NCALD: variants seen among roughly 807,000 people sequenced by gnomAD.
NCALD encodes the protein neurocalcin-delta.
In NCALD, 10 loss-of-function variants were observed where a neutral mutation model predicts 18.6. That is an observed-to-expected ratio of 0.54 (90% CI 0.33 to 0.91). NCALD has a LOEUF of 0.91. Ranked by LOEUF, NCALD falls within the 40% of genes least tolerant of loss-of-function variation. NCALD has a pLI of 0.03. For synonymous variants in NCALD, 88 were observed against 87.4 expected (o/e 1.01, Z -0.04); for missense variants, 184 against 247.6 (o/e 0.74, Z 1.72).
In NCALD at chr8:102,046,797, C is replaced by CTT. The variant is rs111776091; in HGVS notation, c.-209-26510_-209-26509dup. On this transcript the variant is annotated intron_variant, in intron 1 of 6. Coordinates refer to the NCALD transcript ENST00000311028. The stretch of plus-strand genomic sequence containing the variant: ...CCTGGCTCACAATGAGTTTTTTTTC[C>CTT]TTTTTTTTTTTTTTGAACTTTTATT... Among the ~76,000 whole-genome samples the CTT allele has an allele frequency of 9.1e-3, 1,289 of 142,410 alleles. 11 individuals are homozygous for CTT. Among genetic ancestry groups the CTT allele is most frequent in the South Asian group, 0.015 (67 of 4,452 alleles). The allele number at this position is 142,410 out of a possible 152,430, so 93.4% of individuals were successfully genotyped here.
intron 1 of NCALD, among the ~76,000 whole-genome samples, chr8:102,079,118 G>C (rs934793070): frequency 1.3e-5 from 2 of 152,178 alleles, no homozygotes; most frequent in Non-Finnish European, 2.9e-5. Flanking sequence ...CAGTACCCAT[G>C]AAGGCTGGCT....
intron 2 of NCALD, among the ~76,000 whole-genome samples, chr8:101,697,586 G>C (rs1239123617): frequency 2.0e-5 from 3 of 152,084 alleles, no homozygotes; most frequent in Admixed American, 1.3e-4. Context: ...ACATCAAAAA[G>C]CTTATCCACC....
At chr8:101,696,081 C>T (rs1485118507) in intron 2 of NCALD, among the ~76,000 whole-genome samples, 3 of 152,036 alleles carry the variant, frequency 2.0e-5, no homozygotes, top group Admixed American at 1.3e-4. Context: ...CCTTAGAAAC[C>T]ATGCAAACCC....
chr8:102,057,295 TATAG>T (rs533978089), intron 1 of NCALD, among the ~76,000 whole-genome samples: 57 of 131,764 alleles, frequency 4.3e-4, no homozygotes, highest in African/African-American at 1.2e-3. Context: ...CATATGTACA[TATAG>T]ATAGATAGAT....
intron 1 of NCALD, among the ~76,000 whole-genome samples, chr8:101,730,847 C>G (rs576322659): frequency 8.5e-4 from 129 of 152,272 alleles, no homozygotes; most frequent in South Asian, 1.4e-3. Flanking sequence ...TCTTGTACAT[C>G]TATTGCCACT....
intron 3 of NCALD, among the ~76,000 whole-genome samples, chr8:101,906,998 T>C (rs964285497): frequency 6.6e-6 from 1 of 152,248 alleles, no homozygotes; most frequent in African/African-American, 2.4e-5. Flanking sequence ...CTATTACTGA[T>C]TTTTTCTCTT....
intron 3 of NCALD, among the ~76,000 whole-genome samples, chr8:101,912,197 T>C (rs951431445): frequency 1.3e-5 from 2 of 151,824 alleles, no homozygotes; most frequent in African/African-American, 4.8e-5. Flanking sequence ...ATAAAAAAAC[T>C]AAACAGTATC....
intron 1 of NCALD, among the ~76,000 whole-genome samples, chr8:102,039,110 C>A (rs927517402): frequency 6.6e-6 from 1 of 152,128 alleles, no homozygotes; most frequent in African/African-American, 2.4e-5. Context: ...CAAAGAGGAA[C>A]TTGAGCCTTG....
chr8:101,915,890 A>G (rs185894685), intron 2 of NCALD: 128 of 152,322 alleles, frequency 8.4e-4, no homozygotes, highest in African/African-American at 3.0e-3. Context: ...AATAATGGTA[A>G]ATGCAAATAT....
chr8:101,945,541 T>A (rs1819136430), intron 2 of NCALD, among the ~76,000 whole-genome samples: 1 of 152,168 alleles, frequency 6.6e-6, no homozygotes, highest in Non-Finnish European at 1.5e-5. Context: ...CTCCATCTTA[T>A]GGATGAAGAG....
At chr8:101,872,908 C>G (rs1361309307) in intron 4 of NCALD, among the ~76,000 whole-genome samples, 1 of 152,148 alleles carries the variant, frequency 6.6e-6, no homozygotes, top group African/African-American at 2.4e-5. Context: ...AATCAGTTCT[C>G]ACATCATATG....
At chr8:101,824,091 A>G (rs1470049092) in intron 4 of NCALD, among the ~76,000 whole-genome samples, 3 of 152,230 alleles carry the variant, frequency 2.0e-5, no homozygotes, top group Non-Finnish European at 2.9e-5. Flanking sequence ...TCTGATCTCA[A>G]AGAATAAGGG....
chr8:101,909,076 G>A (rs559028041), intron 3 of NCALD, among the ~76,000 whole-genome samples: 1 of 152,264 alleles, frequency 6.6e-6, no homozygotes, highest in Non-Finnish European at 1.5e-5. Context: ...TTTCAAGGTG[G>A]TCTTTGAAAT....
chr8:102,001,850 C>G (rs1821485350), intron 2 of NCALD, among the ~76,000 whole-genome samples: 1 of 152,150 alleles, frequency 6.6e-6, no homozygotes, highest in African/African-American at 2.4e-5. Context: ...ACCACCAGGC[C>G]TAACCTAAAA....
At chr8:101,701,846 C>T (rs754212105) in intron 2 of NCALD, among the ~76,000 whole-genome samples, 53 of 152,114 alleles carry the variant, frequency 3.5e-4, no homozygotes, top group Non-Finnish European at 5.7e-4. Context: ...CTTGCTTAGA[C>T]TAAGCACCTT....
chr8:101,745,799 C>T lies in NCALD; in HGVS notation c.-19-26151G>A, dbSNP rs534437799. The T allele has an allele frequency of 4.6e-5, 7 of 152,342 alleles. No homozygotes were observed. In the East Asian group the frequency reaches 1.3e-3, roughly 29 times the overall value. The allele number at this position is 152,342 out of a possible 1,614,324, so 9.4% of individuals were successfully genotyped here. ...TTTTGCACATTATCTCATTTAATCTCTGTAACAACTGTAAGAGAGAGTATC... is the reference window on the plus strand; with the variant it reads ...TTTTGCACATTATCTCATTTAATCTTTGTAACAACTGTAAGAGAGAGTATC... On this transcript the variant is annotated intron_variant, in intron 1 of 3. Coordinates refer to ENST00000220931, the MANE Select transcript of NCALD (RefSeq NM_032041.3).
intron 1 of NCALD, among the ~76,000 whole-genome samples, chr8:102,034,586 A>G (rs758591082): frequency 3.3e-5 from 5 of 152,186 alleles, no homozygotes; most frequent in Non-Finnish European, 7.4e-5. Flanking sequence ...TAACTCACCA[A>G]TTGGCTTCTT....
At chr8:101,967,042 A>G (rs1264400825) in intron 2 of NCALD, among the ~76,000 whole-genome samples, 2 of 152,198 alleles carry the variant, frequency 1.3e-5, no homozygotes, top group Admixed American at 6.5e-5. Context: ...TAACATGTCT[A>G]TGATAAAAAG....
At chr8:102,005,905 A>G (rs1431110957) in intron 2 of NCALD, among the ~76,000 whole-genome samples, 2 of 151,794 alleles carry the variant, frequency 1.3e-5, no homozygotes, top group East Asian at 1.9e-4. Context: ...GGGGAGGGAT[A>G]GCATTAGGAG....
Sources: allele counts gnomAD v4.1 joint callset (sites outside exome capture counted in the v4.1 genomes callset), GRCh38; gene constraint gnomAD v4.1.1; transcripts MANE v1.5; gene names NCBI Gene and HGNC (gene_info 2026-07-23, HGNC 2026-07-21).